The following PTPRT variants were observed in gnomAD, a reference collection of about 807,000 sequenced individuals.
The protein encoded by PTPRT is protein tyrosine phosphatase receptor type T.
A neutral mutation model predicts 176.8 loss-of-function variants in PTPRT; 56 were observed. The ratio of observed to expected loss-of-function variants is 0.32; its 90% CI spans 0.26 to 0.40. PTPRT has a LOEUF of 0.40. Ranked by LOEUF, PTPRT falls within the 10% of genes least tolerant of loss-of-function variation. The pLI is 1.00. For missense variants in PTPRT, 1,540 were observed against 1,908.2 expected (o/e 0.81, Z 3.60); for synonymous variants, 783 against 739.0 (o/e 1.06, Z -0.96).
At chr20:42,631,786 C>A (rs926065346) in intron 7 of PTPRT, among the ~76,000 whole-genome samples, 4 of 152,140 alleles carry the variant, frequency 2.6e-5, no homozygotes, top group African/African-American at 9.7e-5. Flanking sequence ...TGAATGAATG[C>A]AAGCTTGTGC....
intron 1 of PTPRT, among the ~76,000 whole-genome samples, chr20:42,886,184 A>G (rs1037593243): frequency 1.3e-5 from 2 of 152,136 alleles, no homozygotes; most frequent in Non-Finnish European, 2.9e-5. Flanking sequence ...ATTGATTTCA[A>G]TCTTCCTTCC....
At chr20:42,272,174 A>G (rs1271071300) in intron 13 of PTPRT, among the ~76,000 whole-genome samples, 1 of 152,182 alleles carries the variant, frequency 6.6e-6, no homozygotes, top group African/African-American at 2.4e-5. Flanking sequence ...ATTTTGTGAC[A>G]CATGGAAATT....
chr20:42,545,907 T>C (rs528461407), intron 7 of PTPRT, among the ~76,000 whole-genome samples: 1 of 152,244 alleles, frequency 6.6e-6, no homozygotes, highest in Non-Finnish European at 1.5e-5. Flanking sequence ...CTGTTTTAGA[T>C]ATTGTTTATA....
At chr20:42,669,001 C>T (rs746416153) in intron 7 of PTPRT, among the ~76,000 whole-genome samples, 3 of 151,656 alleles carry the variant, frequency 2.0e-5, no homozygotes, top group Non-Finnish European at 4.4e-5. Flanking sequence ...TGAGTCACCA[C>T]GCCGTGCCCA....
chr20:42,585,459 C>A (rs1351722776), intron 7 of PTPRT, among the ~76,000 whole-genome samples: 1 of 152,024 alleles, frequency 6.6e-6, no homozygotes, highest in Non-Finnish European at 1.5e-5. Flanking sequence ...TATTTTTTGA[C>A]ATTCAGAAAT....
rs923248184 is a variant in PTPRT at position 42,199,790 on chromosome 20, C to T, written c.2343-402G>A. The stretch of plus-strand genomic sequence containing the variant: ...AGATTAAAAATGGAGGCTTGTCTTT[C>T]TCAGGAACTGAGCTCATCAAAAACC... On this transcript the variant is annotated intron_variant, in intron 15 of 30. Transcript: ENST00000373187. Among the ~76,000 whole-genome samples the T allele has an allele frequency of 5.3e-5, 8 of 152,034 alleles. No individual in the cohort carries two copies. In the East Asian group the frequency reaches 1.5e-3, roughly 29 times the overall value.
chr20:42,859,471 C>T (rs1451622821), intron 2 of PTPRT, among the ~76,000 whole-genome samples: 2 of 152,010 alleles, frequency 1.3e-5, no homozygotes, highest in Non-Finnish European at 2.9e-5. Flanking sequence ...GTGTGTCTGC[C>T]GGATTATTTT....
chr20:42,098,356 T>A (rs1245341378), intron 27 of PTPRT, 65 bp downstream of exon 27: 1 of 1,590,390 alleles, frequency 6.3e-7, no homozygotes, highest in East Asian at 2.2e-5. Context: ...TGTCAAGGGA[T>A]CTCCCTCCAG....
chr20:42,331,394 G>A (rs1201299641), intron 11 of PTPRT, among the ~76,000 whole-genome samples: 2 of 146,940 alleles, frequency 1.4e-5, no homozygotes, highest in African/African-American at 5.1e-5. Flanking sequence ...GGAAAGGAAA[G>A]TATCAGGTGA....
At chr20:42,464,249 C>T (rs971277161) in intron 8 of PTPRT, among the ~76,000 whole-genome samples, 1 of 152,220 alleles carries the variant, frequency 6.6e-6, no homozygotes, top group Non-Finnish European at 1.5e-5. Context: ...ATTCATCCAT[C>T]TATTCATTCA....
At position 43,189,707 on chromosome 20, in the gene PTPRT, G is replaced by C; in HGVS notation, c.27C>G (p.Leu9=). Residue 9 remains leucine (L), a synonymous_variant, in exon 1 of 31, where the codon CTC becomes CTG. Coordinates refer to ENST00000373187, the MANE Select transcript of PTPRT (RefSeq NM_007050.6). This position sits in a 1 kb window ranked among gnomAD's most constrained non-coding sequence, Gnocchi z 5.0. MASLAALA[L]SLLLRLQLPP... is the part of the protein sequence containing the mutation. Reference sequence around the variant, plus strand: ...GCAGCTGCAGCCTCAGGAGCAGGCTGAGGGCGAGCGCGGCGAGGCTCGCCA... The same window carrying C: ...GCAGCTGCAGCCTCAGGAGCAGGCTCAGGGCGAGCGCGGCGAGGCTCGCCA... The C allele has an allele frequency of 7.8e-7, 1 of 1,284,090 alleles. No homozygotes were observed. The highest frequency in any genetic ancestry group is 3.3e-5 in the East Asian group (1 of 30,588). 79.5% of individuals were successfully genotyped at this position (1,284,090 alleles called of 1,614,324 possible). A position where few individuals can be genotyped will look rare whatever the true frequency, so the allele number is the denominator to read the frequency against.
intron 2 of PTPRT, among the ~76,000 whole-genome samples, chr20:42,857,587 C>T (rs2078587911): frequency 6.6e-6 from 1 of 152,168 alleles, no homozygotes; most frequent in East Asian, 1.9e-4. Flanking sequence ...AACTGTTTTT[C>T]CCTGGAGCTC....
At chr20:42,684,038 T>C (rs758378807) in intron 6 of PTPRT, among the ~76,000 whole-genome samples, 1 of 152,128 alleles carries the variant, frequency 6.6e-6, no homozygotes, top group Non-Finnish European at 1.5e-5. Context: ...CATCAAATCC[T>C]CCAGTAGGTG....
At chr20:42,183,146 C>T (rs1033043206) in intron 16 of PTPRT, among the ~76,000 whole-genome samples, 1 of 152,138 alleles carries the variant, frequency 6.6e-6, no homozygotes, top group African/African-American at 2.4e-5. Flanking sequence ...CTTGCAGAAA[C>T]ATAATACATT....
intron 13 of PTPRT, among the ~76,000 whole-genome samples, chr20:42,279,609 C>T (rs1406997600): frequency 6.6e-6 from 1 of 152,212 alleles, no homozygotes; most frequent in South Asian, 2.1e-4. Flanking sequence ...CATTACTTTG[C>T]AACCGTCCAA....
intron 7 of PTPRT, among the ~76,000 whole-genome samples, chr20:42,647,402 T>G (rs2074930715): frequency 6.6e-6 from 1 of 152,078 alleles, no homozygotes; most frequent in African/African-American, 2.4e-5. Flanking sequence ...AATGGTCCCC[T>G]CATATGCTGT....
At chr20:42,533,094 C>T (rs2072414342) in intron 7 of PTPRT, among the ~76,000 whole-genome samples, 1 of 152,186 alleles carries the variant, frequency 6.6e-6, no homozygotes, top group Admixed American at 6.5e-5. Context: ...AATCTTCCCT[C>T]CGCCAGGTTG....
At position 42,649,326 on chromosome 20, in the gene PTPRT, C is replaced by T. The variant is rs147556550; in HGVS notation, c.1153+28540G>A. On this transcript the variant is annotated intron_variant, in intron 7 of 30. Coordinates refer to ENST00000373187, the MANE Select transcript of PTPRT (RefSeq NM_007050.6). ...GAGAACAGCAAAGGAAAGACCTGCC[C>T]CCACGATTCAATTACCTCTCACTGG... 6.4e-3 allele frequency among the ~76,000 whole-genome samples: 968 copies of T among 152,180 alleles called. 10 individuals carry two copies. Among genetic ancestry groups the T allele is most frequent in the African/African-American group, 0.022 (908 of 41,500 alleles).
chr20:42,741,732 G>T (rs926142295), intron 6 of PTPRT, among the ~76,000 whole-genome samples: 4 of 152,074 alleles, frequency 2.6e-5, no homozygotes, highest in African/African-American at 7.2e-5. Flanking sequence ...GTCATGGTTG[G>T]ATAAGAGAGG....
Sources: gnomAD v4.1 joint callset for allele counts (sites outside exome capture counted in the v4.1 genomes callset) on GRCh38, gnomAD v4.1.1 for gene constraint, Gnocchi (gnomAD v3.1) non-coding constraint, MANE v1.5 for transcripts, NCBI Gene and HGNC (gene_info 2026-07-23, HGNC 2026-07-21) for gene names.